The following MAOB variants were observed in gnomAD, a reference collection of about 807,000 sequenced individuals.
MAOB encodes the protein amine oxidase [flavin-containing] B.
Under a neutral mutation model 41.9 loss-of-function variants are expected in MAOB, and 15 were observed. The ratio of observed to expected loss-of-function variants is 0.36; its 90% CI spans 0.24 to 0.55. The LOEUF (loss-of-function observed/expected upper bound fraction) is 0.55, where lower values mean the gene tolerates loss of function less well. Ranked by LOEUF, MAOB falls within the 20% of genes least tolerant of loss-of-function variation. The pLI is 0.86. For synonymous variants in MAOB, 167 were observed against 144.2 expected (o/e 1.16, Z -1.13); for missense variants, 345 against 398.7 (o/e 0.87, Z 1.15).
At chrX:43,807,980 C>A (rs1020405014) in intron 3 of MAOB, among the ~76,000 whole-genome samples, 5 of 111,651 alleles carry the variant, frequency 4.5e-5, no homozygotes, top group African/African-American at 1.6e-4. Flanking sequence ...TGAACCCAGA[C>A]CCACTATGGT....
intron 8 of MAOB, among the ~76,000 whole-genome samples, chrX:43,790,767 C>G (rs1015874647): frequency 9.0e-6 from 1 of 110,706 alleles, no homozygotes; most frequent in Non-Finnish European, 1.9e-5. Context: ...TTTTAAAAGT[C>G]TTATGCAAGG....
Position 43,781,510 on chromosome X carries a change from T to C in MAOB, c.963A>G (p.Glu321=). 1 of 1,196,204 alleles carries C rather than the reference T, an allele frequency of 8.4e-7. No individual in the cohort carries two copies. Among genetic ancestry groups the C allele is most frequent in the Non-Finnish European group, 1.1e-6 (1 of 884,351 alleles). Reference sequence around the variant, plus strand: ...CATCCAACGTGTAGGCAACTGGAGCTTCTTCTCCATCAATAATCATGGTTC... The same window carrying C: ...CATCCAACGTGTAGGCAACTGGAGCCTCTTCTCCATCAATAATCATGGTTC... ...YCGTMIIDGE[E]APVAYTLDDT... is the part of the protein sequence containing the mutation. Residue 321 remains glutamate, a synonymous_variant, in exon 9 of 15, where the codon GAA becomes GAG. Coordinates refer to ENST00000378069, the MANE Select transcript of MAOB (RefSeq NM_000898.5).
In MAOB at chrX:43,816,205, G is replaced by A. The variant is rs1320172968; in HGVS notation, c.280-12801C>T. On this transcript the variant is annotated intron_variant, in intron 3 of 14. Transcript: ENST00000378069. Reference sequence around the variant, plus strand: ...AGTCAGGATACTGGCTCTCCTTGGGGATGTGTAATGCCAGTAAGGGAACAT... The same window carrying A: ...AGTCAGGATACTGGCTCTCCTTGGGAATGTGTAATGCCAGTAAGGGAACAT... 3.6e-5 allele frequency among the ~76,000 whole-genome samples: 4 copies of A among 111,936 alleles called. No homozygotes were observed. In the Admixed American group the frequency reaches 3.8e-4, roughly 11 times the overall value.
At chrX:43,782,861 C>G (rs181162276) in intron 8 of MAOB, among the ~76,000 whole-genome samples, 2 of 111,781 alleles carry the variant, frequency 1.8e-5, no homozygotes, top group East Asian at 2.8e-4. Flanking sequence ...AAACGTAATC[C>G]GTCACGTAAA....
chrX:43,769,757 A>G (rs1472374974), intron 12 of MAOB, among the ~76,000 whole-genome samples: 1 of 111,460 alleles, frequency 9.0e-6, no homozygotes, highest in Admixed American at 9.5e-5. Context: ...GCTCTGTGGC[A>G]AGGTGATACA....
chrX:43,840,211 T>C (rs1383226714), intron 2 of MAOB, among the ~76,000 whole-genome samples: 1 of 111,992 alleles, frequency 8.9e-6, no homozygotes, highest in African/African-American at 3.3e-5. Flanking sequence ...GCTTTCAGGC[T>C]TCTCTGAGTC....
intron 12 of MAOB, 84 bp downstream of exon 12, chrX:43,775,091 G>T: frequency 1.3e-6 from 1 of 792,152 alleles, no homozygotes. Flanking sequence ...TAAGAAACAA[G>T]GGAGAAGAGC....
At chrX:43,880,485 G>A (rs1192795230) in intron 1 of MAOB, among the ~76,000 whole-genome samples, 1 of 112,724 alleles carries the variant, frequency 8.9e-6, no homozygotes, top group Non-Finnish European at 1.9e-5. Flanking sequence ...ATCCAGCAGT[G>A]ACTAACTGGT....
chrX:43,825,281 G>T (rs750753006), intron 3 of MAOB, among the ~76,000 whole-genome samples: 1 of 111,459 alleles, frequency 9.0e-6, no homozygotes, highest in African/African-American at 3.3e-5. Context: ...GCCACAGGGG[G>T]TTCCTTGCAG....
chrX:43,860,919 T>C (rs1449512911), intron 1 of MAOB, among the ~76,000 whole-genome samples: 3 of 112,148 alleles, frequency 2.7e-5, no homozygotes, highest in East Asian at 2.8e-4. Context: ...TCCCTGATAG[T>C]TACATGTTCA....
rs1437576709 is a variant in MAOB at position 43,839,117 on chromosome X, A to G, written c.142-112T>C. The stretch of plus-strand genomic sequence containing the variant: ...TTTCACAAGTTATAGATACAGCTTA[A>G]GGGTATATCCACGAAAAACTAGATT... On this transcript the variant is annotated intron_variant, in intron 2 of 14. Coordinates refer to ENST00000378069, the MANE Select transcript of MAOB (RefSeq NM_000898.5). 9 of 501,925 alleles carry G rather than the reference A, an allele frequency of 1.8e-5. No homozygotes were observed. The East Asian group carries it at 3.8e-4, about 21-fold the overall frequency. The allele number at this position is 501,925 out of a possible 1,213,427, so 41.4% of individuals were successfully genotyped here. A position where few individuals can be genotyped will look rare whatever the true frequency, so the allele number is the denominator to read the frequency against.
intron 8 of MAOB, among the ~76,000 whole-genome samples, chrX:43,783,280 T>C (rs1040129243): frequency 8.0e-5 from 9 of 112,085 alleles, no homozygotes; most frequent in Admixed American, 2.8e-4. Flanking sequence ...TTGAAATTCA[T>C]AGAGTCCCAA....
chrX:43,872,727 A>G (rs1421562932), intron 1 of MAOB, among the ~76,000 whole-genome samples: 3 of 112,349 alleles, frequency 2.7e-5, no homozygotes, highest in African/African-American at 3.2e-5. Flanking sequence ...ATAGGTAAAC[A>G]TTCATAACAT....
chrX:43,806,924 T>C (rs907325037), intron 3 of MAOB, among the ~76,000 whole-genome samples: 1 of 111,331 alleles, frequency 9.0e-6, no homozygotes, highest in Non-Finnish European at 1.9e-5. Flanking sequence ...CTTTTGTCTG[T>C]TGAGCATTTT....
rs12008548 is a variant in MAOB, at chrX:43,799,674, G to A, written c.477-2408C>T. Among the ~76,000 whole-genome samples the A allele has an allele frequency of 8.4e-3, 937 of 111,468 alleles. 11 individuals carry two copies. Among genetic ancestry groups the A allele is most frequent in the African/African-American group, 0.029 (895 of 30,777 alleles). On this transcript the variant is annotated intron_variant, in intron 5 of 14. Transcript: ENST00000378069. ...GAAGGATGGAAGGTCAAGGAAGTTA[G>A]TGCAATATTTCCGTATTTTTTGCCC...
At chrX:43,797,572 A>G (rs988935667) in intron 5 of MAOB, among the ~76,000 whole-genome samples, 59 of 111,907 alleles carry the variant, frequency 5.3e-4, no homozygotes, top group African/African-American at 1.8e-3. Context: ...AAAAAGCACC[A>G]TCATTTACTC....
intron 5 of MAOB, among the ~76,000 whole-genome samples, chrX:43,800,475 G>A (rs1312039099): frequency 1.8e-5 from 2 of 111,323 alleles, no homozygotes; most frequent in Non-Finnish European, 3.8e-5. Flanking sequence ...ATAGCATTAG[G>A]TAAATGTTTA....
chrX:43,844,008 A>C, intron 1 of MAOB: 1 of 768,993 alleles, frequency 1.3e-6, no homozygotes, highest in Non-Finnish European at 1.7e-6. Context: ...CCACTATATC[A>C]AAATGTCTAT....
In MAOB at chrX:43,871,388, A is replaced by G. The variant is rs950380527; in HGVS notation, c.46+10866T>C. 7.2e-4 allele frequency among the ~76,000 whole-genome samples: 79 copies of G among 110,402 alleles called. 1 individual carries two copies. Among genetic ancestry groups the G allele is most frequent in the African/African-American group, 2.3e-3 (70 of 30,326 alleles). ...AACTACTTAAAGCTATATTTCAAGG[A>G]AGAACATTTGAATTTGCTGGTTACC... is the stretch of plus-strand genomic sequence containing the variant. On this transcript the variant is annotated intron_variant, in intron 1 of 14. Transcript: ENST00000378069.
Sources: allele counts gnomAD v4.1 joint callset (sites outside exome capture counted in the v4.1 genomes callset), GRCh38; gene constraint gnomAD v4.1.1; transcripts MANE v1.5; gene names NCBI Gene and HGNC (gene_info 2026-07-23, HGNC 2026-07-21).